JAM3: variants seen among roughly 807,000 people sequenced by gnomAD.
JAM3 encodes junctional adhesion molecule 3.
A neutral mutation model predicts 39.4 loss-of-function variants in JAM3; 31 were observed. That is an observed-to-expected ratio of 0.79 (90% CI 0.59 to 1.06). The LOEUF is 1.06. Among genes scored for constraint, JAM3 ranks in the 50% least tolerant of loss-of-function variants. The pLI, the probability that JAM3 is intolerant of heterozygous loss-of-function variation, is 0.00. For missense variants in JAM3, 455 were observed against 391.4 expected, an observed-to-expected ratio of 1.16 and a Z score of -1.37; for synonymous variants, 182 against 148.7, an observed-to-expected ratio of 1.22 and a Z score of -1.63.
chr11:134,120,568 T>C (rs1942512123), intron 1 of JAM3, among the ~76,000 whole-genome samples: 1 of 152,234 alleles, frequency 6.6e-6, no homozygotes, highest in African/African-American at 2.4e-5. Flanking sequence ...TTAGTAGCCA[T>C]TGTTAATGTT....
intron 1 of JAM3, among the ~76,000 whole-genome samples, chr11:134,072,811 G>A (rs1941503903): frequency 6.6e-6 from 1 of 152,190 alleles, no homozygotes; most frequent in Non-Finnish European, 1.5e-5. Flanking sequence ...TCTGGAGGCT[G>A]AGGCAGGAGA....
chr11:134,099,901 G>C (rs1034913773), intron 1 of JAM3, among the ~76,000 whole-genome samples: 3 of 152,086 alleles, frequency 2.0e-5, no homozygotes, highest in Non-Finnish European at 4.4e-5. Context: ...CACCGCGCCC[G>C]GCTTGCTTCC....
At chr11:134,075,969 A>T (rs1351831554) in intron 1 of JAM3, among the ~76,000 whole-genome samples, 1 of 151,530 alleles carries the variant, frequency 6.6e-6, no homozygotes, top group East Asian at 1.9e-4. Context: ...TTCTTTATTC[A>T]TTTTTGTTTT....
Position 134,098,679 on chromosome 11 carries a change from TAGC to T in JAM3, c.76+29525_76+29527del, listed in dbSNP as rs905301961. Among the ~76,000 whole-genome samples, 15 of 152,284 alleles carry T rather than the reference TAGC, an allele frequency of 9.9e-5. No individual in the cohort carries two copies. In the South Asian group the frequency reaches 2.9e-3, roughly 29 times the overall value. On this transcript the variant is annotated intron_variant, in intron 1 of 8. Coordinates refer to ENST00000299106, the MANE Select transcript of JAM3 (RefSeq NM_032801.5). ...ACACTGAACTCATGAATTAGACAAA[TAGC>T]AGCATTGTATCTTCTTTTTCTGGGC...
chr11:134,108,687 A>G (rs1266688050), intron 1 of JAM3, among the ~76,000 whole-genome samples: 2 of 152,216 alleles, frequency 1.3e-5, no homozygotes, highest in Non-Finnish European at 2.9e-5. Flanking sequence ...ATAACGCAAT[A>G]TCACCATATT....
intron 1 of JAM3, among the ~76,000 whole-genome samples, chr11:134,117,263 G>C (rs1201872591): frequency 6.6e-6 from 1 of 152,146 alleles, no homozygotes; most frequent in Non-Finnish European, 1.5e-5. Flanking sequence ...TGTAATCCCA[G>C]CTACTCAGGA....
intron 1 of JAM3, among the ~76,000 whole-genome samples, chr11:134,132,646 C>A (rs192090313): frequency 4.1e-4 from 63 of 152,222 alleles, no homozygotes; most frequent in Admixed American, 2.9e-3. Flanking sequence ...TTTGGGCAGG[C>A]CTTGTTAAGG....
At chr11:134,141,977 A>G (rs974635423) in intron 3 of JAM3, among the ~76,000 whole-genome samples, 3 of 151,916 alleles carry the variant, frequency 2.0e-5, no homozygotes, top group South Asian at 2.1e-4. Context: ...AGTCTCCTCA[A>G]AAGAGTTTTG....
intron 1 of JAM3, among the ~76,000 whole-genome samples, chr11:134,111,806 A>G (rs1277177535): frequency 6.6e-6 from 1 of 152,224 alleles, no homozygotes; most frequent in Non-Finnish European, 1.5e-5. Context: ...ATGCCTCTCA[A>G]TTAACAAAAA....
At chr11:134,109,868 T>C (rs577867004) in intron 1 of JAM3, among the ~76,000 whole-genome samples, 14 of 152,356 alleles carry the variant, frequency 9.2e-5, no homozygotes, top group African/African-American at 3.1e-4. Flanking sequence ...CTTTTCTCTA[T>C]AGCTGTCTGC....
intron 1 of JAM3, among the ~76,000 whole-genome samples, chr11:134,114,375 C>T (rs146941483): frequency 6.6e-6 from 1 of 151,966 alleles, no homozygotes; most frequent in Non-Finnish European, 1.5e-5. Context: ...GTGTGAGGAA[C>T]GGATCCAGTT....
chr11:134,126,023 C>G (rs1425423690), intron 1 of JAM3, among the ~76,000 whole-genome samples: 44 of 152,172 alleles, frequency 2.9e-4, no homozygotes, highest in Admixed American at 2.9e-3. Flanking sequence ...GTCCTTCTCT[C>G]TCTGCACACT....
At chr11:134,137,605 G>C (rs1477787654) in intron 1 of JAM3, among the ~76,000 whole-genome samples, 1 of 152,154 alleles carries the variant, frequency 6.6e-6, no homozygotes, top group Non-Finnish European at 1.5e-5. Flanking sequence ...TCGAAGTCAT[G>C]GTGCTCATAC....
At chr11:134,130,396 C>T (rs1029474852) in intron 1 of JAM3, among the ~76,000 whole-genome samples, 1 of 151,878 alleles carries the variant, frequency 6.6e-6, no homozygotes, top group African/African-American at 2.4e-5. Context: ...TTCTTGGGTT[C>T]TTAGGTATTA....
intron 1 of JAM3, among the ~76,000 whole-genome samples, chr11:134,107,394 A>G (rs184469166): frequency 6.6e-6 from 1 of 152,146 alleles, no homozygotes; most frequent in Non-Finnish European, 1.5e-5. Flanking sequence ...TGACGAGTTA[A>G]TGGGTGCAGC....
In JAM3 at chr11:134,147,453, CTG is replaced by C. The variant is rs1475396174; in HGVS notation, c.713-1092_713-1091del. Among the ~76,000 whole-genome samples, 7 of 90,726 alleles carry C rather than the reference CTG, an allele frequency of 7.7e-5. No homozygotes were observed. The Admixed American group carries it at 8.3e-4, about 11-fold the overall frequency. 59.5% of individuals were successfully genotyped at this position (90,726 alleles called of 152,430 possible). A position where few individuals can be genotyped will look rare whatever the true frequency, so the allele number is the denominator to read the frequency against. On this transcript the variant is annotated intron_variant, in intron 6 of 8. Transcript: ENST00000299106. ...TGGGTGACGGTGACGGAGCAAGACT[CTG>C]TCTCAAAAAAAAAAAAAAAAAAACG...
At chr11:134,111,489 A>G (rs887801639) in intron 1 of JAM3, among the ~76,000 whole-genome samples, 2 of 152,150 alleles carry the variant, frequency 1.3e-5, no homozygotes, top group African/African-American at 2.4e-5. Flanking sequence ...GGGAAAAGAA[A>G]AGAGTCAGTA....
intron 6 of JAM3, among the ~76,000 whole-genome samples, chr11:134,146,898 T>A (rs2120368176): frequency 6.6e-6 from 1 of 152,284 alleles, no homozygotes; most frequent in East Asian, 1.9e-4. Flanking sequence ...CCCTCCTCCC[T>A]ATTTGGAGCT....
At chr11:134,136,682 C>G (rs1475903409) in intron 1 of JAM3, among the ~76,000 whole-genome samples, 1 of 152,170 alleles carries the variant, frequency 6.6e-6, no homozygotes, top group East Asian at 1.9e-4. Flanking sequence ...CTGGGATATA[C>G]TGCCTTCTAG....
Sources: gnomAD v4.1 joint callset for allele counts (sites outside exome capture counted in the v4.1 genomes callset) on GRCh38, gnomAD v4.1.1 for gene constraint, MANE v1.5 for transcripts, NCBI Gene and HGNC (gene_info 2026-07-23, HGNC 2026-07-21) for gene names.